SPHKAP: variants seen among roughly 807,000 people sequenced by gnomAD.
The protein encoded by SPHKAP is SPHK1 interactor, AKAP domain containing.
A neutral mutation model predicts 137.5 loss-of-function variants in SPHKAP; 67 were observed. The observed-to-expected ratio is 0.49, with a 90% CI of 0.40 to 0.60. SPHKAP has a LOEUF of 0.60. Ranked by LOEUF, SPHKAP falls within the 20% of genes least tolerant of loss-of-function variation. The pLI is 0.00. For missense variants in SPHKAP, 2,097 were observed against 2,069.3 expected, an observed-to-expected ratio of 1.01 and a Z score of -0.26; for synonymous variants, 813 against 785.3, an observed-to-expected ratio of 1.04 and a Z score of -0.59.
intron 3 of SPHKAP, among the ~76,000 whole-genome samples, chr2:228,086,023 G>A (rs1375813174): frequency 6.6e-6 from 1 of 152,064 alleles, no homozygotes; most frequent in Non-Finnish European, 1.5e-5. Flanking sequence ...CCCTGCCTCA[G>A]TTATAAACCC....
chr2:228,155,123 T>C (rs1700071111), intron 1 of SPHKAP, among the ~76,000 whole-genome samples: 1 of 152,198 alleles, frequency 6.6e-6, no homozygotes, highest in African/African-American at 2.4e-5. Flanking sequence ...CAATTCATTT[T>C]CTTTCAGAAG....
At position 228,131,969 on chromosome 2, in the gene SPHKAP, G is replaced by A. The variant is rs765847207; in HGVS notation, c.138+11C>T. On this transcript the variant is annotated intron_variant, in intron 2 of 11. Coordinates refer to ENST00000392056, the MANE Select transcript of SPHKAP (RefSeq NM_001142644.2). ...AACTGACAAGAAGAAAGTGGCGTAA[G>A]GCAAGGTTACCTTCTTACAGGCTGT... 6.2e-7 allele frequency: 1 copy of A among 1,613,028 alleles called. No homozygotes were observed. Among genetic ancestry groups the A allele is most frequent in the Non-Finnish European group, 8.5e-7 (1 of 1,179,140 alleles).
chr2:228,181,454 C>T lies in SPHKAP; in HGVS notation c.32+113G>A, dbSNP rs1700910031. On this transcript the variant is annotated intron_variant, in intron 1 of 11. Coordinates refer to ENST00000392056, the MANE Select transcript of SPHKAP (RefSeq NM_001142644.2). This position sits in a 1 kb window ranked among gnomAD's most constrained non-coding sequence, Gnocchi z 4.3. ...ACAAGTGCAGTGACCCCTGTCTCCTCGCTGGGAGCCCCGTGCAAACCGAAG... is the reference window on the plus strand; with the variant it reads ...ACAAGTGCAGTGACCCCTGTCTCCTTGCTGGGAGCCCCGTGCAAACCGAAG... 3.4e-6 allele frequency: 5 copies of T among 1,455,304 alleles called. No individual in the cohort carries two copies. Among genetic ancestry groups the T allele is most frequent in the African/African-American group, 1.4e-5 (1 of 71,724 alleles). 90.1% of individuals were successfully genotyped at this position (1,455,304 alleles called of 1,614,324 possible).
intron 3 of SPHKAP, among the ~76,000 whole-genome samples, chr2:228,092,780 C>T (rs1697847648): frequency 6.6e-6 from 1 of 151,506 alleles, no homozygotes; most frequent in Admixed American, 6.6e-5. Context: ...AACTGGAGAC[C>T]ATTTTTTGAA....
intron 2 of SPHKAP, among the ~76,000 whole-genome samples, chr2:228,131,504 A>G (rs1392601203): frequency 2.0e-5 from 3 of 150,570 alleles, no homozygotes; most frequent in East Asian, 3.9e-4. Flanking sequence ...TTTTTATATC[A>G]GCTCTTAAGT....
At chr2:228,136,535 T>C (rs1574883920) in intron 1 of SPHKAP, among the ~76,000 whole-genome samples, 1 of 152,310 alleles carries the variant, frequency 6.6e-6, no homozygotes, top group South Asian at 2.1e-4. Flanking sequence ...AATATCCAGT[T>C]ATTTCCCTAG....
intron 2 of SPHKAP, among the ~76,000 whole-genome samples, chr2:228,115,631 T>C (rs1223152321): frequency 2.0e-5 from 3 of 152,128 alleles, no homozygotes; most frequent in African/African-American, 7.2e-5. Flanking sequence ...CAACAGTGAG[T>C]AATATGTAAC....
At chr2:228,161,366 C>G (rs963487320) in intron 1 of SPHKAP, among the ~76,000 whole-genome samples, 9 of 152,130 alleles carry the variant, frequency 5.9e-5, no homozygotes, top group African/African-American at 2.2e-4. Flanking sequence ...ACTGAGTTGG[C>G]CCAATCTAGA....
At position 228,019,564 on chromosome 2, in the gene SPHKAP, G is replaced by A. The variant is rs970497757; in HGVS notation, c.1290C>T (p.Pro430=). ...CTGTATCTTTTGTGGAATAGCAACT[G>A]GGAAGCAGAGAACTTCCTACAGAAA... ...VSVSVGSSLL[P]SCYSTKDTVV... is the part of the protein sequence containing the mutation. The change falls in exon 7 of 12, where the codon CCC becomes CCT. Residue 430 remains proline, a synonymous_variant. Coordinates refer to ENST00000392056, the MANE Select transcript of SPHKAP (RefSeq NM_001142644.2). 15 of 1,614,206 alleles carry A rather than the reference G, an allele frequency of 9.3e-6. No homozygotes were observed. The highest frequency in any genetic ancestry group is 6.7e-5 in the Admixed American group (4 of 60,028).
At chr2:228,109,941 A>C (rs577872342) in intron 2 of SPHKAP, among the ~76,000 whole-genome samples, 109 of 114,890 alleles carry the variant, frequency 9.5e-4, no homozygotes, top group African/African-American at 3.0e-3. Flanking sequence ...TTGGGCAACA[A>C]GAGTGAAAAT....
chr2:228,036,798 C>T (rs1343005502), intron 3 of SPHKAP, among the ~76,000 whole-genome samples: 2 of 151,850 alleles, frequency 1.3e-5, no homozygotes, highest in Non-Finnish European at 2.9e-5. Flanking sequence ...AAACCAGACA[C>T]TGCATGTTCT....
intron 3 of SPHKAP, among the ~76,000 whole-genome samples, chr2:228,059,333 T>C (rs1357488350): frequency 2.0e-5 from 3 of 152,128 alleles, no homozygotes; most frequent in Admixed American, 6.6e-5. Context: ...TTCACCAGAG[T>C]GCCTATAACA....
At chr2:228,154,534 T>TATATATATA (rs1700046803) in intron 1 of SPHKAP, among the ~76,000 whole-genome samples, 2 of 9,436 alleles carry the variant, frequency 2.1e-4, no homozygotes, top group Non-Finnish European at 3.6e-4. Flanking sequence ...ATATATATAT[T>TATATATATA]TTTTTTTTTT....
intron 3 of SPHKAP, among the ~76,000 whole-genome samples, chr2:228,098,508 A>G (rs1698072858): frequency 2.0e-5 from 3 of 152,182 alleles, no homozygotes; most frequent in Admixed American, 1.3e-4. Flanking sequence ...AAACTATCAC[A>G]AGGACAAAAA....
chr2:228,077,761 G>A (rs968602364), intron 3 of SPHKAP, among the ~76,000 whole-genome samples: 2 of 152,172 alleles, frequency 1.3e-5, no homozygotes, highest in African/African-American at 4.8e-5. Flanking sequence ...GGACTGTTGG[G>A]AAGGCATGAT....
intron 3 of SPHKAP, among the ~76,000 whole-genome samples, chr2:228,036,835 A>G (rs1695631582): frequency 6.6e-6 from 1 of 151,886 alleles, no homozygotes; most frequent in Non-Finnish European, 1.5e-5. Context: ...TTGAACCATG[A>G]GAACACATGG....
intron 7 of SPHKAP, among the ~76,000 whole-genome samples, chr2:227,997,156 T>G (rs1422539213): frequency 6.6e-6 from 1 of 152,226 alleles, no homozygotes; most frequent in Non-Finnish European, 1.5e-5. Flanking sequence ...CTTCAGGAAC[T>G]TCCTGAAGCC....
chr2:228,100,599 A>C (rs549841876), intron 3 of SPHKAP, among the ~76,000 whole-genome samples: 15 of 147,016 alleles, frequency 1.0e-4, no homozygotes, highest in African/African-American at 1.5e-4. Flanking sequence ...TATTGAGATG[A>C]TAGTATGGTT....
At chr2:228,169,579 G>A (rs550491535) in intron 1 of SPHKAP, among the ~76,000 whole-genome samples, 53 of 152,018 alleles carry the variant, frequency 3.5e-4, no homozygotes, top group Non-Finnish European at 6.8e-4. Flanking sequence ...CTTGCAAAAT[G>A]TTACTGCTCA....
Sources: allele counts gnomAD v4.1 joint callset (sites outside exome capture counted in the v4.1 genomes callset), GRCh38; gene constraint gnomAD v4.1.1; non-coding constraint Gnocchi (gnomAD v3.1); transcripts MANE v1.5; gene names NCBI Gene and HGNC (gene_info 2026-07-23, HGNC 2026-07-21).